The following ABCC4 variants were observed in gnomAD, a reference collection of about 807,000 sequenced individuals.
ABCC4 encodes ATP binding cassette subfamily C member 4 (PEL blood group).
A neutral mutation model predicts 168.5 loss-of-function variants in ABCC4; 102 were observed. That is an observed-to-expected ratio of 0.61 (90% CI 0.52 to 0.71). The LOEUF (loss-of-function observed/expected upper bound fraction) is 0.71. Ranked by LOEUF, ABCC4 falls within the 30% of genes least tolerant of loss-of-function variation. The pLI is 0.00. For synonymous variants in ABCC4, 617 were observed against 590.7 expected (o/e 1.04, Z -0.65); for missense variants, 1,402 against 1,605.8 (o/e 0.87, Z 2.17).
At chr13:95,269,373 C>A in intron 1 of ABCC4, 1 of 451,132 alleles carries the variant, frequency 2.2e-6, no homozygotes, top group Non-Finnish European at 4.4e-6. Flanking sequence ...CTGCAGTGAG[C>A]TGAGACTGCG....
At chr13:95,096,709 G>A (rs554190268) in intron 20 of ABCC4, among the ~76,000 whole-genome samples, 1 of 152,072 alleles carries the variant, frequency 6.6e-6, no homozygotes, top group Non-Finnish European at 1.5e-5. Flanking sequence ...TCTTCTATCT[G>A]TTGAAAAGAT....
intron 14 of ABCC4, among the ~76,000 whole-genome samples, chr13:95,169,720 T>G (rs2037402440): frequency 1.3e-5 from 2 of 152,194 alleles, no homozygotes; most frequent in African/African-American, 4.8e-5. Context: ...TACTTATAGC[T>G]ATACCAGCTC....
intron 29 of ABCC4, among the ~76,000 whole-genome samples, chr13:95,038,134 G>A (rs2032200875): frequency 6.6e-6 from 1 of 152,040 alleles, no homozygotes; most frequent in Non-Finnish European, 1.5e-5. Flanking sequence ...GGGATTACAG[G>A]CATGAGCCCC....
At chr13:95,183,694 C>T (rs1025052840) in intron 11 of ABCC4, among the ~76,000 whole-genome samples, 2 of 152,148 alleles carry the variant, frequency 1.3e-5, no homozygotes, top group Admixed American at 1.3e-4. Flanking sequence ...AGGTGGATCA[C>T]TTGAGGTCAA....
intron 19 of ABCC4, among the ~76,000 whole-genome samples, chr13:95,143,767 G>T (rs1034029227): frequency 2.0e-5 from 3 of 152,090 alleles, no homozygotes; most frequent in Admixed American, 1.3e-4. Flanking sequence ...GATTTAGAAA[G>T]TCATGCCAAT....
chr13:95,057,096 C>T (rs2033088120), intron 26 of ABCC4, among the ~76,000 whole-genome samples: 1 of 152,194 alleles, frequency 6.6e-6, no homozygotes, highest in African/African-American at 2.4e-5. Flanking sequence ...TTGGGAAGTG[C>T]ACTTAACTAC....
intron 1 of ABCC4, among the ~76,000 whole-genome samples, chr13:95,277,576 C>CT (rs1322897085): frequency 8.8e-5 from 5 of 56,830 alleles, no homozygotes; most frequent in African/African-American, 2.2e-4. Context: ...AGTGAGACTT[C>CT]TCAAAAAAAA....
intron 14 of ABCC4, among the ~76,000 whole-genome samples, chr13:95,168,384 T>G (rs1177225579): frequency 6.6e-6 from 1 of 152,134 alleles, no homozygotes; most frequent in Non-Finnish European, 1.5e-5. Flanking sequence ...CCTTCGATAA[T>G]CCTCTTAAGG....
At chr13:95,049,336 A>AAAAT (rs1555304856) in intron 27 of ABCC4, among the ~76,000 whole-genome samples, 5 of 151,058 alleles carry the variant, frequency 3.3e-5, no homozygotes, top group East Asian at 2.0e-4. Context: ...TCTGTCTAAA[A>AAAAT]AAATAAATAA....
chr13:95,230,342 A>G (rs9524849), intron 4 of ABCC4, among the ~76,000 whole-genome samples: 26,073 of 152,278 alleles, frequency 0.17, 3,035 homozygotes, highest in Non-Finnish European at 0.26. Context: ...TTAAACAGAC[A>G]AATTATTAAA....
intron 19 of ABCC4, among the ~76,000 whole-genome samples, chr13:95,139,854 G>T (rs1034417668): frequency 6.6e-6 from 1 of 152,196 alleles, no homozygotes; most frequent in African/African-American, 2.4e-5. Flanking sequence ...TGGGTGGTTA[G>T]TCAAACCTGT....
intron 8 of ABCC4, among the ~76,000 whole-genome samples, chr13:95,199,691 CGGGACT>C (rs1243776375): frequency 6.6e-6 from 1 of 152,138 alleles, no homozygotes; most frequent in Non-Finnish European, 1.5e-5. Flanking sequence ...CATCATCTTC[CGGGACT>C]GCTTGCTGCA....
intron 3 of ABCC4, among the ~76,000 whole-genome samples, chr13:95,244,929 T>C (rs2040067673): frequency 6.6e-6 from 1 of 151,642 alleles, no homozygotes; most frequent in Admixed American, 6.6e-5. Flanking sequence ...CTCCACCAAC[T>C]GTACCCATAT....
chr13:95,034,033 G>A (rs1187294422), intron 30 of ABCC4, among the ~76,000 whole-genome samples: 1 of 152,208 alleles, frequency 6.6e-6, no homozygotes, highest in African/African-American at 2.4e-5. Flanking sequence ...AACAAAGAAT[G>A]AGGGGAAAAC....
At chr13:95,237,430 T>C (rs749563889) in intron 3 of ABCC4, among the ~76,000 whole-genome samples, 10 of 152,184 alleles carry the variant, frequency 6.6e-5, no homozygotes, top group Admixed American at 1.3e-4. Context: ...TTCTCCACCT[T>C]AGAGACCAAC....
intron 1 of ABCC4, 84 bp from the exon 2 acceptor site, chr13:95,247,837 A>G: frequency 9.9e-7 from 1 of 1,013,654 alleles, no homozygotes; most frequent in South Asian, 1.4e-5. Context: ...TTTTGCTTAA[A>G]CTTACCTTTA....
chr13:95,050,879 G>C (rs2032801620), intron 27 of ABCC4, among the ~76,000 whole-genome samples: 1 of 152,178 alleles, frequency 6.6e-6, no homozygotes, highest in Non-Finnish European at 1.5e-5. Context: ...TTTCTAAAAA[G>C]TACTTTTGCT....
At chr13:95,191,659 A>G (rs1351888549) in intron 9 of ABCC4, among the ~76,000 whole-genome samples, 1 of 152,258 alleles carries the variant, frequency 6.6e-6, no homozygotes, top group Non-Finnish European at 1.5e-5. Flanking sequence ...ATTCCTGATT[A>G]AGTAACATCT....
chr13:95,207,684 G>C, intron 7 of ABCC4, 116 bp downstream of exon 7: 1 of 1,097,806 alleles, frequency 9.1e-7, no homozygotes, highest in Non-Finnish European at 1.3e-6. Flanking sequence ...TGGGGACTGG[G>C]ATGGATTGTA....
Sources: gnomAD v4.1 joint callset for allele counts (sites outside exome capture counted in the v4.1 genomes callset) on GRCh38, gnomAD v4.1.1 for gene constraint, MANE v1.5 for transcripts, NCBI Gene and HGNC (gene_info 2026-07-23, HGNC 2026-07-21) for gene names.